SOX10: variants seen among roughly 807,000 people sequenced by gnomAD.
SOX10 encodes transcription factor SOX-10.
In SOX10, 3 loss-of-function variants were observed where a neutral mutation model predicts 35.0. The ratio of observed to expected loss-of-function variants is 0.09; its 90% CI spans 0.04 to 0.22. The LOEUF is 0.22. Ranked by LOEUF, SOX10 falls within the 10% of genes least tolerant of loss-of-function variation. SOX10 has a pLI of 1.00. For synonymous variants in SOX10, 285 were observed against 291.0 expected (o/e 0.98, Z 0.21); for missense variants, 436 against 655.1 (o/e 0.67, Z 3.65).
rs1186044024 is a variant in SOX10, at chr22:37,983,780, G to A, written c.5C>T (p.Ala2Val). 6.9e-7 allele frequency: 1 copy of A among 1,448,518 alleles called. No individual in the cohort carries two copies. The highest frequency in any genetic ancestry group is 2.4e-5 in the Admixed American group (1 of 41,432). 89.7% of individuals were successfully genotyped at this position (1,448,518 alleles called of 1,614,324 possible). A position where few individuals can be genotyped will look rare whatever the true frequency, so the allele number is the denominator to read the frequency against. The stretch of plus-strand genomic sequence containing the variant: ...CACCTCCGATAGGTCCTGCTCCTCC[G>A]CCATGTCGCCCCCGGCCGCCGCCGC... The part of the protein sequence containing the change: M[A>V]EEQDLSEVEL... The change falls in exon 2 of 4, where the codon GCG (alanine) becomes GTG (valine). Residue 2 changes from alanine (A) to valine (V), a missense_variant. Around this residue, in one of 3 missense-constraint regions of SOX10, gnomAD observed 97 missense variants for 95.5 expected, o/e 1.02. Transcript: ENST00000396884. The surrounding 1 kb of genome is among the most constrained non-coding windows in gnomAD (Gnocchi z 9.5).
rs1216155991 is a variant in SOX10, at chr22:37,974,236, G to A, written c.698-38C>T. The A allele has an allele frequency of 6.5e-7, 1 of 1,529,162 alleles. No homozygotes were observed. Among genetic ancestry groups the A allele is most frequent in the Non-Finnish European group, 8.9e-7 (1 of 1,123,196 alleles). The allele number at this position is 1,529,162 out of a possible 1,614,324, so 94.7% of individuals were successfully genotyped here. ...GAGACAGAGAGAGAGAGCGCAAGGG[G>A]GAAGCAGGTTAGAGGCAGGTGGGCG... On this transcript the variant is annotated intron_variant, in intron 3 of 3. Transcript: ENST00000396884. The surrounding 1 kb of genome is among the most constrained non-coding windows in gnomAD (Gnocchi z 5.4).
In SOX10 at chr22:37,978,457, G is replaced by A. The variant is rs1033722916; in HGVS notation, c.429-322C>T. Among the ~76,000 whole-genome samples the A allele has an allele frequency of 6.6e-6, 1 of 152,256 alleles. No individual in the cohort carries two copies. The highest frequency in any genetic ancestry group is 2.4e-5 in the African/African-American group (1 of 41,466). ...TAGAGGTTTCAAGGGGCAGATGCCA[G>A]TTCAAGGAAAGGAAAAACTTTCTCA... On this transcript the variant is annotated intron_variant, in intron 2 of 3. Coordinates refer to ENST00000396884, the MANE Select transcript of SOX10 (RefSeq NM_006941.4). This position sits in a 1 kb window ranked among gnomAD's most constrained non-coding sequence, Gnocchi z 5.0.
rs536942519 is a variant in SOX10, at chr22:37,975,977, A to G, written c.698-1779T>C. ...GATAGGAGGCTGGGCGTGCTGGGTC[A>G]TGCCTGTAATCCCAGCACTTTGGGA... On this transcript the variant is annotated intron_variant, in intron 3 of 3. Transcript: ENST00000396884. 2.6e-5 allele frequency among the ~76,000 whole-genome samples: 4 copies of G among 152,122 alleles called. No individual in the cohort carries two copies. The East Asian group carries it at 7.8e-4, about 30-fold the overall frequency.
At chr22:37,976,623 C>T (rs902758518) in intron 3 of SOX10, among the ~76,000 whole-genome samples, 1 of 152,132 alleles carries the variant, frequency 6.6e-6, no homozygotes, top group South Asian at 2.1e-4. Context: ...AGCAGATGCC[C>T]GGGAGCCAAA....
Position 37,973,482 on chromosome 22 carries a change from G to T in SOX10, c.*13C>A. 6.5e-7 allele frequency: 1 copy of T among 1,539,002 alleles called. No homozygotes were observed. On this transcript the variant is annotated 3_prime_UTR_variant, in exon 4 of 4. Transcript: ENST00000396884. ...CAGGGGCTGGGCGGGGGGTGGTGGCGACAGGGCCCCCTTTAGGGCCGGGAC... is the reference window on the plus strand; with the variant it reads ...CAGGGGCTGGGCGGGGGGTGGTGGCTACAGGGCCCCCTTTAGGGCCGGGAC...
intron 2 of SOX10, among the ~76,000 whole-genome samples, chr22:37,982,251 G>A (rs1932422225): frequency 6.6e-6 from 1 of 152,210 alleles, no homozygotes; most frequent in Non-Finnish European, 1.5e-5. Flanking sequence ...CCCTGGCTCT[G>A]CTACCAACTT....
At chr22:37,976,616 A>G (rs942213985) in intron 3 of SOX10, among the ~76,000 whole-genome samples, 2 of 152,226 alleles carry the variant, frequency 1.3e-5, no homozygotes, top group South Asian at 2.1e-4. Flanking sequence ...GGTGCCAAGC[A>G]GATGCCCGGG....
rs1345779248 is a variant in SOX10 at position 37,973,930 on chromosome 22, A to G, written c.966T>C (p.Ser322=). ...SYSAAGYGLG[S]ALAVASGHSA... is the part of the protein sequence containing the mutation. ...AGTGTCCACTGGCCACGGCCAGGGC[A>G]CTGCCCAGCCCATAGCCGGCTGCTG... The change falls in exon 4 of 4, where the codon AGT becomes AGC. Residue 322 remains serine (S), a synonymous_variant. Transcript: ENST00000396884. 1.9e-6 allele frequency: 3 copies of G among 1,610,420 alleles called. No homozygotes were observed. Among genetic ancestry groups the G allele is most frequent in the Admixed American group, 3.3e-5 (2 of 60,022 alleles).
rs1932117519 is a variant in SOX10 at position 37,973,410 on chromosome 22, A to G, written c.*85T>C. On this transcript the variant is annotated 3_prime_UTR_variant, in exon 4 of 4. Coordinates refer to ENST00000396884, the MANE Select transcript of SOX10 (RefSeq NM_006941.4). ...AGCCTCCTCAGCCTCCTCCACTGCCACCACCAGGCCTGAGGTGGGCAAGGA... is the reference window on the plus strand; with the variant it reads ...AGCCTCCTCAGCCTCCTCCACTGCCGCCACCAGGCCTGAGGTGGGCAAGGA... The G allele has an allele frequency of 1.2e-5, 11 of 908,060 alleles. No individual in the cohort carries two copies. In the South Asian group the frequency reaches 1.7e-4, roughly 14 times the overall value. 56.3% of individuals were successfully genotyped at this position (908,060 alleles called of 1,614,324 possible).
rs1421683315 is a variant in SOX10, at chr22:37,978,933, C to T, written c.429-798G>A. 2.0e-5 allele frequency among the ~76,000 whole-genome samples: 3 copies of T among 151,810 alleles called. No individual in the cohort carries two copies. Among genetic ancestry groups the T allele is most frequent in the Admixed American group, 6.6e-5 (1 of 15,240 alleles). ...CTGGGATTACAAGCATGCGCCACCA[C>T]GCCCGGTTAATTTTTGTATTTTTAG... On this transcript the variant is annotated intron_variant, in intron 2 of 3. Transcript: ENST00000396884. The surrounding 1 kb of genome is among the most constrained non-coding windows in gnomAD (Gnocchi z 5.0).
In SOX10 at chr22:37,984,360, T is replaced by G. The variant is rs1261487754; in HGVS notation, c.-106A>C. ...TCACCTCCTCGGACCTCTCCTCCAG[T>G]CTGGGGCTCGTCCTTAGGAAGTGGA... On this transcript the variant is annotated 5_prime_UTR_variant, in exon 1 of 4. Transcript: ENST00000396884. The surrounding 1 kb of genome is among the most constrained non-coding windows in gnomAD (Gnocchi z 4.4). The G allele has an allele frequency of 6.6e-6, 1 of 150,806 alleles. No individual in the cohort carries two copies. The highest frequency in any genetic ancestry group is 2.0e-4 in the East Asian group (1 of 5,014). 9.3% of individuals were successfully genotyped at this position (150,806 alleles called of 1,614,324 possible).
Position 37,972,316 on chromosome 22 carries a change from C to T in SOX10, c.*1179G>A, listed in dbSNP as rs749495956. ...AGGTCAGGCTCACCAAGCAGGTAAC[C>T]GGAACCTTTAATTTTATTATGTGGA... is the stretch of plus-strand genomic sequence containing the variant. On this transcript the variant is annotated 3_prime_UTR_variant, in exon 4 of 4. Coordinates refer to ENST00000396884, the MANE Select transcript of SOX10 (RefSeq NM_006941.4). The T allele has an allele frequency of 4.5e-5, 50 of 1,109,756 alleles. No individual in the cohort carries two copies. Among genetic ancestry groups the T allele is most frequent in the Non-Finnish European group, 5.7e-5 (46 of 812,096 alleles). 68.7% of individuals were successfully genotyped at this position (1,109,756 alleles called of 1,614,324 possible). A position where few individuals can be genotyped will look rare whatever the true frequency, so the allele number is the denominator to read the frequency against.
rs1932180791 is a variant in SOX10, at chr22:37,974,990, C to G, written c.698-792G>C. ...CAACCCTTCCCTCCTCCTGAGCCCA[C>G]CCTGCTTCCCAGCCCACTGGCAAGC... On this transcript the variant is annotated intron_variant, in intron 3 of 3. Coordinates refer to ENST00000396884, the MANE Select transcript of SOX10 (RefSeq NM_006941.4). The surrounding 1 kb of genome is among the most constrained non-coding windows in gnomAD (Gnocchi z 5.4). 6.6e-6 allele frequency among the ~76,000 whole-genome samples: 1 copy of G among 152,228 alleles called. No homozygotes were observed. Among genetic ancestry groups the G allele is most frequent in the South Asian group, 2.1e-4 (1 of 4,830 alleles).
chr22:37,979,086 C>T (rs945651963), intron 2 of SOX10, among the ~76,000 whole-genome samples: 1 of 149,664 alleles, frequency 6.7e-6, no homozygotes, highest in Non-Finnish European at 1.5e-5. Flanking sequence ...CCAAGAGGTA[C>T]TTTTCTATTT....
chr22:37,978,786 T>C lies in SOX10; in HGVS notation c.429-651A>G, dbSNP rs564592140. 3.7e-4 allele frequency among the ~76,000 whole-genome samples: 57 copies of C among 152,198 alleles called. No homozygotes were observed. Among genetic ancestry groups the C allele is most frequent in the African/African-American group, 1.3e-3 (55 of 41,530 alleles). On this transcript the variant is annotated intron_variant, in intron 2 of 3. Transcript: ENST00000396884. The surrounding 1 kb of genome is among the most constrained non-coding windows in gnomAD (Gnocchi z 5.0). ...AAGAGGTGCTTTTCTTTCTTTCTTT[T>C]TTTTTTCTGTGAGGGAATCTCACTC... is the stretch of plus-strand genomic sequence containing the variant.
chr22:37,974,260 C>A lies in SOX10; in HGVS notation c.698-62G>T. The stretch of plus-strand genomic sequence containing the variant: ...GGGAAGCAGGTTAGAGGCAGGTGGG[C>A]GCACGTGAACTTCCATGGTTCACCT... On this transcript the variant is annotated intron_variant, in intron 3 of 3. Coordinates refer to ENST00000396884, the MANE Select transcript of SOX10 (RefSeq NM_006941.4). This position sits in a 1 kb window ranked among gnomAD's most constrained non-coding sequence, Gnocchi z 5.4. 1 of 1,287,414 alleles carries A rather than the reference C, an allele frequency of 7.8e-7. No individual in the cohort carries two copies. The highest frequency in any genetic ancestry group is 1.1e-6 in the Non-Finnish European group (1 of 914,004). 79.7% of individuals were successfully genotyped at this position (1,287,414 alleles called of 1,614,324 possible).
Position 37,973,227 on chromosome 22 carries a change from G to A in SOX10, c.*268C>T. The A allele has an allele frequency of 2.2e-6, 1 of 446,044 alleles. No individual in the cohort carries two copies. The highest frequency in any genetic ancestry group is 4.0e-6 in the Non-Finnish European group (1 of 250,466). 27.6% of individuals were successfully genotyped at this position (446,044 alleles called of 1,614,324 possible). On this transcript the variant is annotated 3_prime_UTR_variant, in exon 4 of 4. Transcript: ENST00000396884. ...GATAGAGGGTCATTCCTGGGGGAAG[G>A]TGCAGCCCCTCATCTTTCAGTGTGG... is the stretch of plus-strand genomic sequence containing the variant.
In SOX10 at chr22:37,973,863, C is replaced by T. The variant is rs755753525; in HGVS notation, c.1033G>A (p.Val345Ile). Residue 345 changes from valine (V) to isoleucine (I), a missense_variant, in exon 4 of 4, where the codon GTC becomes ATC. Val to Ile is a conservative substitution (Grantham distance 29, BLOSUM62 3). This residue lies in a region of SOX10 where 285 missense variants were observed against 402.9 expected (regional missense o/e 0.71). Transcript: ENST00000396884. The part of the protein sequence containing the change: ...SKPPGVALPT[V>I]SPPGVDAKAQ... ...TTGGCATCCACACCAGGTGGTGAGA[C>T]CGTGGGCAGAGCCACGCCTGGTGGC... The T allele has an allele frequency of 6.2e-7, 1 of 1,609,836 alleles. No homozygotes were observed. Among genetic ancestry groups the T allele is most frequent in the Non-Finnish European group, 8.5e-7 (1 of 1,178,286 alleles).
chr22:37,978,013 G>A lies in SOX10; in HGVS notation c.551C>T (p.Ala184Val). 6.2e-7 allele frequency: 1 copy of A among 1,611,760 alleles called. No individual in the cohort carries two copies. The highest frequency in any genetic ancestry group is 1.1e-5 in the South Asian group (1 of 90,970). ...QPRRRKNGKA[A>V]QGEAECPGGE... ...ACCGGGGCACTCCGCCTCGCCCTGGGCGGCCTTCCCGTTCTTCCGCCGCCT... is the reference window on the plus strand; with the variant it reads ...ACCGGGGCACTCCGCCTCGCCCTGGACGGCCTTCCCGTTCTTCCGCCGCCT... Residue 184 changes from alanine (A) to valine (V), a missense_variant, in exon 3 of 4, where the codon GCC becomes GTC. Around this residue, in one of 3 missense-constraint regions of SOX10, gnomAD observed 285 missense variants for 402.9 expected, o/e 0.71. Coordinates refer to ENST00000396884, the MANE Select transcript of SOX10 (RefSeq NM_006941.4). The surrounding 1 kb of genome is among the most constrained non-coding windows in gnomAD (Gnocchi z 5.0).
Sources: gnomAD v4.1 joint callset for allele counts (sites outside exome capture counted in the v4.1 genomes callset) on GRCh38, gnomAD v4.1.1 for gene constraint, gnomAD v4.1.1 regional missense constraint, Gnocchi (gnomAD v3.1) non-coding constraint, MANE v1.5 for transcripts, NCBI Gene and HGNC (gene_info 2026-07-23, HGNC 2026-07-21) for gene names.